Variants in NCKAP1L observed in about 807,000 individuals in gnomAD.
The protein encoded by NCKAP1L is nck-associated protein 1-like.
NCKAP1L carries 53 observed loss-of-function variants against 139.2 expected under a neutral mutation model. That is an observed-to-expected ratio of 0.38 (90% CI 0.31 to 0.48). The LOEUF (loss-of-function observed/expected upper bound fraction) is 0.48. NCKAP1L is among the 20% of genes least tolerant of loss of function. The probability of loss-of-function intolerance (pLI) is 0.98; values close to 1 mark genes in which losing one functional copy is unlikely to be tolerated. For missense variants in NCKAP1L, 1,151 were observed against 1,381.9 expected (o/e 0.83, Z 2.65); for synonymous variants, 468 against 499.7 (o/e 0.94, Z 0.85).
At chr12:54,516,131 C>A in intron 9 of NCKAP1L, 108 bp from the exon 10 acceptor site, 1 of 1,091,400 alleles carries the variant, frequency 9.2e-7, no homozygotes, top group South Asian at 1.3e-5. Context: ...TGAGGGCTGC[C>A]CATGCTCCCA....
At chr12:54,515,638 A>C (rs955586806) in intron 9 of NCKAP1L, among the ~76,000 whole-genome samples, 1 of 152,204 alleles carries the variant, frequency 6.6e-6, no homozygotes, top group Non-Finnish European at 1.5e-5. Context: ...GTGGGAAAAT[A>C]AGCAGAATTC....
At chr12:54,510,676 ATTT>A (rs59196940) in intron 7 of NCKAP1L, among the ~76,000 whole-genome samples, 1 of 138,872 alleles carries the variant, frequency 7.2e-6, no homozygotes. Context: ...CACCTGGGTA[ATTT>A]TTTTTTTTTT....
At position 54,519,969 on chromosome 12, in the gene NCKAP1L, A is replaced by G. The variant is rs188882325; in HGVS notation, c.1625+637A>G. On this transcript the variant is annotated intron_variant, in intron 16 of 30. Coordinates refer to ENST00000293373, the MANE Select transcript of NCKAP1L (RefSeq NM_005337.5). ...GTGGACAGGAGTGAAAATAAGTGAG[A>G]GGCCTAGAGAATAGGGACTTTGGAG... Among the ~76,000 whole-genome samples the G allele has an allele frequency of 5.0e-4, 76 of 151,868 alleles. 1 individual carries two copies. The highest frequency in any genetic ancestry group is 4.8e-3 in the Admixed American group (73 of 15,252).
intron 18 of NCKAP1L, 106 bp from the exon 19 acceptor site, chr12:54,523,288 A>G (rs2120934680): frequency 6.1e-6 from 8 of 1,318,554 alleles, no homozygotes; most frequent in Middle Eastern, 1.9e-4. Flanking sequence ...AGGAAGGCAG[A>G]AAGATAAAAT....
At chr12:54,505,679 T>TC (rs1956834547) in intron 3 of NCKAP1L, among the ~76,000 whole-genome samples, 2 of 151,286 alleles carry the variant, frequency 1.3e-5, no homozygotes, top group Admixed American at 1.3e-4. Context: ...TTTTTTTTTT[T>TC]GAGATGGAGT....
chr12:54,535,236 G>A (rs763138358), intron 27 of NCKAP1L, 39 bp downstream of exon 27: 1 of 1,491,914 alleles, frequency 6.7e-7, no homozygotes, highest in Non-Finnish European at 9.3e-7. Flanking sequence ...GGGAAAGGAG[G>A]GCTTGGGCCT....
chr12:54,521,147 A>G lies in NCKAP1L; in HGVS notation c.1787A>G (p.His596Arg), dbSNP rs1374662353. ...CCCCACCTCAAGAACCATGGTCTTC[A>G]CCACTGCAACTCCTTCCTGGAAGAG... ...EYPHLKNHGL[H>R]HCNSFLEELA... Residue 596 changes from histidine to arginine, a missense_variant, in exon 18 of 31, where the codon CAC becomes CGC. Physicochemically the swap from His to Arg is conservative, Grantham distance 29. Transcript: ENST00000293373. 1 of 1,613,870 alleles carries G rather than the reference A, an allele frequency of 6.2e-7. No homozygotes were observed. Among genetic ancestry groups the G allele is most frequent in the African/African-American group, 1.3e-5 (1 of 74,858 alleles).
At chr12:54,507,507 G>A (rs970186488) in intron 3 of NCKAP1L, among the ~76,000 whole-genome samples, 4 of 152,172 alleles carry the variant, frequency 2.6e-5, no homozygotes, top group Admixed American at 6.5e-5. Flanking sequence ...AATACGAATC[G>A]TTTGATTTTT....
intron 30 of NCKAP1L, among the ~76,000 whole-genome samples, chr12:54,539,918 A>G (rs564051066): frequency 6.6e-6 from 1 of 152,314 alleles, no homozygotes; most frequent in African/African-American, 2.4e-5. Context: ...CTAGTGCCCA[A>G]GGGACGTGTG....
At chr12:54,532,086 C>G (rs61923500) in intron 25 of NCKAP1L, 84 bp from the exon 26 acceptor site, 1 of 986,770 alleles carries the variant, frequency 1.0e-6, no homozygotes, top group Admixed American at 2.6e-5. Flanking sequence ...GAGTGCCCCT[C>G]CTTTTTTTTT....
intron 3 of NCKAP1L, among the ~76,000 whole-genome samples, chr12:54,506,066 T>C (rs1324783496): frequency 6.6e-6 from 1 of 152,266 alleles, no homozygotes; most frequent in Non-Finnish European, 1.5e-5. Context: ...TAGGCCATTA[T>C]GCGTAAGTTG....
chr12:54,536,092 A>C, intron 27 of NCKAP1L, 37 bp from the exon 28 acceptor site: 2 of 1,442,290 alleles, frequency 1.4e-6, no homozygotes, highest in Non-Finnish European at 1.9e-6. Flanking sequence ...TGCTGACTTT[A>C]TTCACTTTTC....
rs543705332 is a variant in NCKAP1L at position 54,499,225 on chromosome 12, C to G, written c.103-130C>G. ...AGGTGTGAGCCGCTGCGCCCAGCCT[C>G]TCATGCTTTTTAAATTAGTTCCCAG... On this transcript the variant is annotated intron_variant, in intron 1 of 30. Coordinates refer to ENST00000293373, the MANE Select transcript of NCKAP1L (RefSeq NM_005337.5). 8.2e-6 allele frequency: 5 copies of G among 610,954 alleles called. No homozygotes were observed. In the South Asian group the frequency reaches 9.9e-5, roughly 12 times the overall value. The allele number at this position is 610,954 out of a possible 1,614,324, so 37.8% of individuals were successfully genotyped here.
intron 11 of NCKAP1L, 34 bp from the exon 12 acceptor site, chr12:54,517,499 T>C: frequency 6.9e-7 from 1 of 1,444,762 alleles, no homozygotes; most frequent in Non-Finnish European, 9.7e-7. Context: ...ATTTTTAAAG[T>C]TGAAAATTCT....
At chr12:54,535,050 T>C in intron 26 of NCKAP1L, 54 bp from the exon 27 acceptor site, 1 of 1,454,382 alleles carries the variant, frequency 6.9e-7, no homozygotes, top group Non-Finnish European at 9.5e-7. Flanking sequence ...ATTCCTTCTG[T>C]CAAGCCATTG....
intron 16 of NCKAP1L, among the ~76,000 whole-genome samples, chr12:54,520,446 A>G (rs1956972112): frequency 6.6e-6 from 1 of 152,222 alleles, no homozygotes; most frequent in Non-Finnish European, 1.5e-5. Context: ...GATTATCATT[A>G]AACTTGCCTG....
chr12:54,502,823 C>CAAAAAA (rs780466592), intron 3 of NCKAP1L, among the ~76,000 whole-genome samples: 30 of 57,740 alleles, frequency 5.2e-4, no homozygotes, highest in East Asian at 2.9e-3. Flanking sequence ...CCCATCTACA[C>CAAAAAA]AAAAAAAAAA....
In NCKAP1L at chr12:54,547,213, A is replaced by G. The variant is rs557326127; in HGVS notation, c.*4528A>G. 6.6e-6 allele frequency: 1 copy of G among 152,142 alleles called. No homozygotes were observed. The highest frequency in any genetic ancestry group is 1.5e-5 in the Non-Finnish European group (1 of 68,026). The allele number at this position is 152,142 out of a possible 1,614,324, so 9.4% of individuals were successfully genotyped here. ...AGAGACGCAGCAAGGTAGAAATGGG[A>G]TTGTATTGCAACAAGAGGAATGAGG... On this transcript the variant is annotated 3_prime_UTR_variant, in exon 31 of 31. Coordinates refer to ENST00000293373, the MANE Select transcript of NCKAP1L (RefSeq NM_005337.5).
Position 54,546,280 on chromosome 12 carries a change from A to G in NCKAP1L, c.*3595A>G, listed in dbSNP as rs1957196533. 1 of 148,022 alleles carries G rather than the reference A, an allele frequency of 6.8e-6. No individual in the cohort carries two copies. Among genetic ancestry groups the G allele is most frequent in the Non-Finnish European group, 1.5e-5 (1 of 67,330 alleles). 9.2% of individuals were successfully genotyped at this position (148,022 alleles called of 1,614,324 possible). A position where few individuals can be genotyped will look rare whatever the true frequency, so the allele number is the denominator to read the frequency against. On this transcript the variant is annotated 3_prime_UTR_variant, in exon 31 of 31. Coordinates refer to ENST00000293373, the MANE Select transcript of NCKAP1L (RefSeq NM_005337.5). ...AGGCTGAGGTGGGGAGGATCGCTTG[A>G]GTCCGGGAGGCAGAGGTTGCAGTGA...
Sources: gnomAD v4.1 joint callset for allele counts (sites outside exome capture counted in the v4.1 genomes callset) on GRCh38, gnomAD v4.1.1 for gene constraint, MANE v1.5 for transcripts, NCBI Gene and HGNC (gene_info 2026-07-23, HGNC 2026-07-21) for gene names.